LAMA2: variants seen among roughly 807,000 people sequenced by gnomAD.
LAMA2 encodes laminin subunit alpha-2.
Under a neutral mutation model 364.8 loss-of-function variants are expected in LAMA2, and 269 were observed. The ratio of observed to expected loss-of-function variants is 0.74; its 90% CI spans 0.67 to 0.82. LAMA2 has a LOEUF of 0.82. LAMA2 is among the 40% of genes least tolerant of loss of function. LAMA2 has a pLI of 0.00. For missense variants in LAMA2, 3,807 were observed against 3,873.2 expected, an observed-to-expected ratio of 0.98 and a Z score of 0.45; for synonymous variants, 1,379 against 1,370.6, an observed-to-expected ratio of 1.01 and a Z score of -0.14.
intron 16 of LAMA2, among the ~76,000 whole-genome samples, chr6:129,268,274 A>T (rs536726673): frequency 6.6e-6 from 1 of 152,162 alleles, no homozygotes; most frequent in Admixed American, 6.5e-5. Context: ...TTGAAATGAC[A>T]TTTTTATGAA....
intron 1 of LAMA2, among the ~76,000 whole-genome samples, chr6:128,978,011 T>C (rs542852618): frequency 6.6e-6 from 1 of 152,344 alleles, no homozygotes; most frequent in Non-Finnish European, 1.5e-5. Flanking sequence ...TTTAAAATGA[T>C]ATCATTAAAA....
At chr6:129,073,689 G>A (rs1773458021) in intron 3 of LAMA2, among the ~76,000 whole-genome samples, 1 of 151,652 alleles carries the variant, frequency 6.6e-6, no homozygotes, top group Non-Finnish European at 1.5e-5. Flanking sequence ...TTTAATTTTT[G>A]TATTTTTATT....
intron 20 of LAMA2, among the ~76,000 whole-genome samples, chr6:129,293,732 C>A (rs933962397): frequency 2.6e-5 from 4 of 151,458 alleles, no homozygotes; most frequent in Non-Finnish European, 5.9e-5. Context: ...ACAAGACTTA[C>A]CAGTATAGAG....
intron 34 of LAMA2, among the ~76,000 whole-genome samples, chr6:129,373,338 C>CG (rs1292734985): frequency 6.6e-6 from 1 of 152,106 alleles, no homozygotes; most frequent in African/African-American, 2.4e-5. Flanking sequence ...TTTTACTTTA[C>CG]AGTAGTTTTA....
At chr6:129,064,856 C>T (rs1229016309) in intron 3 of LAMA2, among the ~76,000 whole-genome samples, 1 of 152,116 alleles carries the variant, frequency 6.6e-6, no homozygotes, top group Admixed American at 6.5e-5. Context: ...AATACCAATC[C>T]TTCTCAAAAT....
intron 1 of LAMA2, among the ~76,000 whole-genome samples, chr6:129,011,616 T>C (rs1394294904): frequency 6.6e-6 from 1 of 152,184 alleles, no homozygotes; most frequent in Non-Finnish European, 1.5e-5. Flanking sequence ...GTGGCAATAG[T>C]GTGCTTAGCC....
intron 1 of LAMA2, among the ~76,000 whole-genome samples, chr6:128,909,580 C>G (rs1219991072): frequency 2.0e-5 from 3 of 148,248 alleles, no homozygotes; most frequent in Non-Finnish European, 4.5e-5. Context: ...TGGGTCTTGA[C>G]TCTTTATCCA....
chr6:129,147,435 G>A (rs908707632), intron 6 of LAMA2, among the ~76,000 whole-genome samples: 1 of 151,640 alleles, frequency 6.6e-6, no homozygotes, highest in East Asian at 1.9e-4. Context: ...AAAAAAATGT[G>A]CAGGGAAGTA....
intron 1 of LAMA2, among the ~76,000 whole-genome samples, chr6:128,966,433 C>T (rs1390097877): frequency 6.6e-6 from 1 of 151,872 alleles, no homozygotes; most frequent in African/African-American, 2.4e-5. Context: ...TGTTCTGTTG[C>T]TCTTGGTTTA....
intron 1 of LAMA2, among the ~76,000 whole-genome samples, chr6:128,985,479 A>G (rs1216483866): frequency 1.3e-5 from 2 of 152,278 alleles, no homozygotes; most frequent in Admixed American, 6.5e-5. Flanking sequence ...AAATCCAGAA[A>G]TGTCAAGAAA....
intron 12 of LAMA2, among the ~76,000 whole-genome samples, chr6:129,246,455 A>G (rs1441002476): frequency 6.6e-6 from 1 of 152,140 alleles, no homozygotes; most frequent in East Asian, 1.9e-4. Context: ...ACAATATTCC[A>G]CTGTGCCTTT....
At chr6:129,290,509 C>A (rs1446092300) in intron 19 of LAMA2, among the ~76,000 whole-genome samples, 1 of 152,010 alleles carries the variant, frequency 6.6e-6, no homozygotes, top group African/African-American at 2.4e-5. Flanking sequence ...AAAAGGAGAA[C>A]CTAGAGCCAG....
intron 12 of LAMA2, 87 bp downstream of exon 12, chr6:129,192,940 C>T: frequency 7.5e-7 from 1 of 1,326,618 alleles, no homozygotes; most frequent in Middle Eastern, 2.3e-4. Flanking sequence ...TAAAGAAAGA[C>T]AAAATCAAAT....
chr6:129,172,126 T>A (rs1395778017), intron 9 of LAMA2, among the ~76,000 whole-genome samples: 2 of 151,548 alleles, frequency 1.3e-5, no homozygotes, highest in African/African-American at 2.4e-5. Context: ...TTGAATGTCC[T>A]CCCGTAGCTC....
chr6:129,080,627 C>A (rs1027375122), intron 3 of LAMA2, among the ~76,000 whole-genome samples: 1 of 152,102 alleles, frequency 6.6e-6, no homozygotes, highest in African/African-American at 2.4e-5. Flanking sequence ...ATGCAGCCAA[C>A]AGACACATGA....
At chr6:128,981,579 C>CAAAAAAAA (rs145266584) in intron 1 of LAMA2, among the ~76,000 whole-genome samples, 1 of 119,492 alleles carries the variant, frequency 8.4e-6, no homozygotes, top group Non-Finnish European at 1.7e-5. Context: ...CCATCTCTAC[C>CAAAAAAAA]AAAAAAAAAA....
chr6:129,147,261 T>C (rs1477679764), intron 6 of LAMA2, among the ~76,000 whole-genome samples: 1 of 135,614 alleles, frequency 7.4e-6, no homozygotes, highest in Non-Finnish European at 1.5e-5. Context: ...AGATTAGTTT[T>C]TCCTTTTTTT....
At chr6:129,021,263 G>A (rs1420258028) in intron 1 of LAMA2, among the ~76,000 whole-genome samples, 1 of 152,064 alleles carries the variant, frequency 6.6e-6, no homozygotes, top group Non-Finnish European at 1.5e-5. Context: ...AGGACATTAT[G>A]TTACCTATTT....
chr6:129,381,469 G>A (rs1249523432), intron 34 of LAMA2, among the ~76,000 whole-genome samples: 3 of 151,836 alleles, frequency 2.0e-5, no homozygotes, highest in Admixed American at 6.6e-5. Flanking sequence ...TTAAATAATT[G>A]GGTATGAGTA....
Sources: gnomAD v4.1 joint callset for allele counts (sites outside exome capture counted in the v4.1 genomes callset) on GRCh38, gnomAD v4.1.1 for gene constraint, MANE v1.5 for transcripts, NCBI Gene and HGNC (gene_info 2026-07-23, HGNC 2026-07-21) for gene names.